The following ESR1 variants were observed in gnomAD, a reference collection of about 807,000 sequenced individuals.
ESR1 encodes the protein estrogen receptor.
In ESR1, 12 loss-of-function variants were observed where a neutral mutation model predicts 52.7. The ratio of observed to expected loss-of-function variants is 0.23; its 90% CI spans 0.15 to 0.37. ESR1 has a LOEUF of 0.37. Ranked by LOEUF, ESR1 falls within the 10% of genes least tolerant of loss-of-function variation. The pLI is 1.00. For missense variants in ESR1, 584 were observed against 779.7 expected, an observed-to-expected ratio of 0.75 and a Z score of 2.99; for synonymous variants, 305 against 316.8, an observed-to-expected ratio of 0.96 and a Z score of 0.39.
intron 4 of ESR1, among the ~76,000 whole-genome samples, chr6:151,945,865 G>A (rs890496451): frequency 1.8e-4 from 27 of 152,274 alleles, no homozygotes; most frequent in African/African-American, 6.5e-4. Flanking sequence ...GTAGAATAAG[G>A]AGCCAGCAGT....
intron 2 of ESR1, among the ~76,000 whole-genome samples, chr6:151,707,668 G>A (rs1780285051): frequency 1.3e-5 from 2 of 152,050 alleles, no homozygotes; most frequent in African/African-American, 4.8e-5. Context: ...GAAATAGAAT[G>A]TCAAGGGGCA....
intron 4 of ESR1, among the ~76,000 whole-genome samples, chr6:151,970,764 G>C (rs2038823392): frequency 6.6e-6 from 1 of 152,130 alleles, no homozygotes; most frequent in Non-Finnish European, 1.5e-5. Flanking sequence ...TCCTGTTCAA[G>C]ACAGTTTCCA....
chr6:151,879,994 A>G (rs1792544470), intron 2 of ESR1, among the ~76,000 whole-genome samples: 1 of 152,166 alleles, frequency 6.6e-6, no homozygotes, highest in Admixed American at 6.5e-5. Flanking sequence ...CAATTTTGGC[A>G]AGCAGTCTTG....
chr6:151,717,221 G>A (rs1199231517), intron 2 of ESR1, among the ~76,000 whole-genome samples: 8 of 152,160 alleles, frequency 5.3e-5, no homozygotes, highest in East Asian at 1.9e-4. Context: ...GATGAGCTGG[G>A]TACCTCAGTT....
At chr6:151,741,188 C>A (rs1006354082) in intron 2 of ESR1, among the ~76,000 whole-genome samples, 4 of 152,170 alleles carry the variant, frequency 2.6e-5, no homozygotes, top group Non-Finnish European at 5.9e-5. Flanking sequence ...GTCTTCTCCT[C>A]CCCTTCCCTG....
At chr6:152,113,785 A>G (rs1185884437) in intron 6 of ESR1, among the ~76,000 whole-genome samples, 1 of 152,148 alleles carries the variant, frequency 6.6e-6, no homozygotes, top group African/African-American at 2.4e-5. Flanking sequence ...AACACATCCT[A>G]TACATTAATG....
rs762739348 is a variant in ESR1 at position 151,880,656 on chromosome 6, A to T, written c.645A>T (p.Gly215=). 1 of 1,558,594 alleles carries T rather than the reference A, an allele frequency of 6.4e-7. No individual in the cohort carries two copies. The highest frequency in any genetic ancestry group is 2.2e-5 in the East Asian group (1 of 44,628). The change falls in exon 3 of 8, where the codon GGA becomes GGT. Residue 215 remains glycine (G), a splice_region_variant and synonymous_variant. Transcript: ENST00000206249. ...CKAFFKRSIQ[G]HNDYMCPATN... ...ATTCTGTCCTCTTGCTTTTAATAGG[A>T]CATAACGACTATATGTGTCCAGCCA... is the stretch of plus-strand genomic sequence containing the variant.
intron 3 of ESR1, among the ~76,000 whole-genome samples, chr6:151,914,541 A>G (rs955950977): frequency 2.7e-4 from 41 of 152,332 alleles, no homozygotes; most frequent in African/African-American, 8.4e-4. Flanking sequence ...CTGGGTTAAC[A>G]AGCTCACAAG....
chr6:152,056,286 A>G (rs2047095739), intron 5 of ESR1, among the ~76,000 whole-genome samples: 1 of 152,102 alleles, frequency 6.6e-6, no homozygotes, highest in African/African-American at 2.4e-5. Flanking sequence ...AATACATCTA[A>G]TCTTGCCACT....
At chr6:151,976,489 A>G (rs1218957448) in intron 4 of ESR1, among the ~76,000 whole-genome samples, 2 of 151,850 alleles carry the variant, frequency 1.3e-5, no homozygotes. Context: ...CACCATGCCT[A>G]TAAAACCTTT....
At chr6:152,048,415 TC>T (rs1393761850) in intron 5 of ESR1, among the ~76,000 whole-genome samples, 3 of 147,956 alleles carry the variant, frequency 2.0e-5, no homozygotes, top group Non-Finnish European at 3.0e-5. Flanking sequence ...TCTCAGATAC[TC>T]CCCTGCCCCC....
In ESR1 at chr6:151,736,375, G is replaced by GTTCTTTTTTTTTTTTTTTTTTTTT. The variant is rs748276035; in HGVS notation, c.-71+34372_-71+34373insCTTTTTTTTTTTTTTTTTTTTTTT. Among the ~76,000 whole-genome samples, 2 of 112,742 alleles carry GTTCTTTTTTTTTTTTTTTTTTTTT rather than the reference G, an allele frequency of 1.8e-5. 1 individual carries two copies. The allele number at this position is 112,742 out of a possible 152,430, so 74.0% of individuals were successfully genotyped here. A position where few individuals can be genotyped will look rare whatever the true frequency, so the allele number is the denominator to read the frequency against. Reference sequence around the variant, plus strand: ...AAATACTTACTGTATTCCAGGTAGTGTTTTTTTTTTTTTTTGAGATGGAGT... The same window carrying GTTCTTTTTTTTTTTTTTTTTTTTT: ...AAATACTTACTGTATTCCAGGTAGTGTTCTTTTTTTTTTTTTTTTTTTTTTTTTTTTTTTTTTTTGAGATGGAGT... On this transcript the variant is annotated intron_variant, in intron 2 of 2. Coordinates refer to the ESR1 transcript ENST00000404742.
chr6:151,807,108 T>A (rs1777995347), upstream of ESR1: 2 of 152,578 alleles, frequency 1.3e-5, no homozygotes, highest in African/African-American at 4.8e-5. Context: ...TTCCTATATG[T>A]ATACCCTGAA....
At chr6:151,839,298 C>G (rs1199186277) in intron 1 of ESR1, among the ~76,000 whole-genome samples, 4 of 152,042 alleles carry the variant, frequency 2.6e-5, no homozygotes, top group Non-Finnish European at 5.9e-5. Flanking sequence ...GCAGTATTCC[C>G]CTCGCACTCA....
chr6:151,726,866 A>C (rs2128031914), intron 2 of ESR1, among the ~76,000 whole-genome samples: 1 of 152,218 alleles, frequency 6.6e-6, no homozygotes, highest in Middle Eastern at 3.4e-3. Context: ...TTCTTGACCT[A>C]CTGCATTGAC....
chr6:151,946,407 C>T (rs950192056), intron 4 of ESR1, among the ~76,000 whole-genome samples: 3 of 152,120 alleles, frequency 2.0e-5, no homozygotes, highest in Admixed American at 2.0e-4. Flanking sequence ...AGCTCAAATA[C>T]ATTACCAGTG....
chr6:151,686,088 T>TTTTTTTTTTTTTA (rs142764831), upstream of ESR1, among the ~76,000 whole-genome samples: 1 of 143,076 alleles, frequency 7.0e-6, no homozygotes, highest in African/African-American at 2.6e-5. Context: ...TTTTTTTTTT[T>TTTTTTTTTTTTTA]ATTTAGAGAC....
At chr6:151,924,683 C>T (rs2032358966) in intron 3 of ESR1, among the ~76,000 whole-genome samples, 2 of 152,080 alleles carry the variant, frequency 1.3e-5, no homozygotes, top group Admixed American at 1.3e-4. Flanking sequence ...TGAGAACATG[C>T]AGTATTTGGT....
At chr6:151,898,228 G>A (rs1365005977) in intron 3 of ESR1, among the ~76,000 whole-genome samples, 1 of 151,986 alleles carries the variant, frequency 6.6e-6, no homozygotes, top group Non-Finnish European at 1.5e-5. Flanking sequence ...CTTGTATTTG[G>A]ATGTCTAGGT....
Sources: allele counts gnomAD v4.1 joint callset (sites outside exome capture counted in the v4.1 genomes callset), GRCh38; gene constraint gnomAD v4.1.1; transcripts MANE v1.5; gene names NCBI Gene and HGNC (gene_info 2026-07-23, HGNC 2026-07-21).